The following NUP210 variants were observed in gnomAD, a reference collection of about 807,000 sequenced individuals.
NUP210 encodes the protein nuclear pore membrane glycoprotein 210.
A neutral mutation model predicts 196.0 loss-of-function variants in NUP210; 151 were observed. The ratio of observed to expected loss-of-function variants is 0.77; its 90% CI spans 0.67 to 0.88. The LOEUF is 0.88. NUP210 is among the 40% of genes least tolerant of loss of function. The pLI, the probability that NUP210 is intolerant of heterozygous loss-of-function variation, is 0.00. For missense variants in NUP210, 2,314 were observed against 2,493.7 expected (o/e 0.93, Z 1.53); for synonymous variants, 1,070 against 1,052.7 (o/e 1.02, Z -0.32).
At position 13,319,062 on chromosome 3, in the gene NUP210, G is replaced by C. The variant is rs767899212; in HGVS notation, c.5563+10C>G. 2 of 1,595,886 alleles carry C rather than the reference G, an allele frequency of 1.3e-6. No homozygotes were observed. The highest frequency in any genetic ancestry group is 1.7e-6 in the Non-Finnish European group (2 of 1,172,968). On this transcript the variant is annotated intron_variant, in intron 39 of 39. Transcript: ENST00000254508. ...CTCTGCCTGGTTGTGCCTGCAGGGG[G>C]GCTACTCACAGTGGGGGCTGTGTCC...
At chr3:13,362,251 A>T (rs1680682745) in intron 14 of NUP210, among the ~76,000 whole-genome samples, 1 of 152,190 alleles carries the variant, frequency 6.6e-6, no homozygotes, top group Non-Finnish European at 1.5e-5. Flanking sequence ...TGGAAGGGTC[A>T]TGCTAGCTCT....
intron 20 of NUP210, among the ~76,000 whole-genome samples, chr3:13,346,862 A>T (rs1035897893): frequency 3.3e-5 from 5 of 152,212 alleles, no homozygotes; most frequent in Non-Finnish European, 7.3e-5. Context: ...GCAAGCAGGG[A>T]AGGACCTAAG....
intron 21 of NUP210, 29 bp downstream of exon 21, chr3:13,343,146 G>A (rs765010934): frequency 6.2e-7 from 1 of 1,612,818 alleles, no homozygotes; most frequent in Non-Finnish European, 8.5e-7. Flanking sequence ...GGTCAGCCGA[G>A]GGTGCCCCGT....
intron 39 of NUP210, among the ~76,000 whole-genome samples, chr3:13,318,474 A>G (rs1188326183): frequency 6.6e-6 from 1 of 152,178 alleles, no homozygotes; most frequent in Admixed American, 6.5e-5. Flanking sequence ...AGCAGACACG[A>G]GCTCGAGGAC....
intron 18 of NUP210, among the ~76,000 whole-genome samples, chr3:13,352,796 C>A (rs963847620): frequency 6.6e-6 from 1 of 151,992 alleles, no homozygotes; most frequent in African/African-American, 2.4e-5. Context: ...GATGGAAGAG[C>A]AAGAGTGAGT....
rs1698746922 is a variant in NUP210 at position 13,371,974 on chromosome 3, A to C, written c.1646T>G (p.Val549Gly). 1 of 1,602,050 alleles carries C rather than the reference A, an allele frequency of 6.2e-7. No homozygotes were observed. The highest frequency in any genetic ancestry group is 1.3e-5 in the African/African-American group (1 of 74,774). ...CAGGGGCAGCTCCAGGGCCTGGCCC[A>C]CACGTGCCTCCACCTGGCACGGGGC... ...EFAPCQVEAR[V>G]GQALELPLRI... Residue 549 changes from valine to glycine, a missense_variant, in exon 13 of 40, where the codon GTG (valine) becomes GGG (glycine). Coordinates refer to ENST00000254508, the MANE Select transcript of NUP210 (RefSeq NM_024923.4).
At chr3:13,359,516 T>C (rs1576381108) in intron 15 of NUP210, among the ~76,000 whole-genome samples, 1 of 152,196 alleles carries the variant, frequency 6.6e-6, no homozygotes, top group African/African-American at 2.4e-5. Context: ...TGCGTTTTAT[T>C]GCCAACTGAC....
intron 8 of NUP210, 41 bp from the exon 9 acceptor site, chr3:13,377,603 G>A (rs1698958491): frequency 6.7e-6 from 10 of 1,501,296 alleles, no homozygotes; most frequent in Non-Finnish European, 9.2e-6. Flanking sequence ...AGGCCTCAGG[G>A]GCAGCAGGGT....
Position 13,327,198 on chromosome 3 carries a change from T to C in NUP210, c.4507+19A>G. 6.3e-7 allele frequency: 1 copy of C among 1,599,694 alleles called. No homozygotes were observed. The highest frequency in any genetic ancestry group is 8.5e-7 in the Non-Finnish European group (1 of 1,170,826). On this transcript the variant is annotated intron_variant, in intron 32 of 39. Coordinates refer to ENST00000254508, the MANE Select transcript of NUP210 (RefSeq NM_024923.4). ...GCGTCCGTGACTCCACAGGTTCCCT[T>C]GCTCAGGATCTATCTTACCTTCCAG...
chr3:13,392,283 A>G (rs116557359), intron 3 of NUP210, among the ~76,000 whole-genome samples: 167 of 152,320 alleles, frequency 1.1e-3, no homozygotes, highest in African/African-American at 4.0e-3. Context: ...GAAGCTCCAG[A>G]AAACTCTGCT....
chr3:13,411,172 T>C (rs554641121), intron 1 of NUP210, among the ~76,000 whole-genome samples: 81 of 151,492 alleles, frequency 5.3e-4, no homozygotes, highest in Non-Finnish European at 1.1e-3. Flanking sequence ...TTTGAGGTTA[T>C]AGTGAGCTAT....
In NUP210 at chr3:13,356,764, G is replaced by A. The variant is rs1364391507; in HGVS notation, c.2328+1458C>T. Among the ~76,000 whole-genome samples the A allele has an allele frequency of 2.6e-5, 4 of 152,224 alleles. No individual in the cohort carries two copies. In the East Asian group the frequency reaches 7.7e-4, roughly 29 times the overall value. The stretch of plus-strand genomic sequence containing the variant: ...GATCACACAGCTACTCCGTGTTTGA[G>A]GTCCATTATTTTCTGGCGACATCTA... On this transcript the variant is annotated intron_variant, in intron 16 of 39. Coordinates refer to ENST00000254508, the MANE Select transcript of NUP210 (RefSeq NM_024923.4).
chr3:13,330,745 A>G (rs778004931), intron 29 of NUP210, 111 bp from the exon 30 acceptor site: 345 of 1,077,180 alleles, frequency 3.2e-4, no homozygotes, highest in Non-Finnish European at 3.7e-4. Context: ...CTGGGAGGAA[A>G]AAAGGCCCAA....
At chr3:13,412,428 C>A (rs1033267562) in intron 1 of NUP210, among the ~76,000 whole-genome samples, 1 of 151,556 alleles carries the variant, frequency 6.6e-6, no homozygotes, top group African/African-American at 2.4e-5. Context: ...TAAAAGGAAA[C>A]CTTGGCCAGG....
chr3:13,419,066 TACTC>T (rs1301141416), intron 1 of NUP210, among the ~76,000 whole-genome samples: 3 of 149,708 alleles, frequency 2.0e-5, no homozygotes, highest in African/African-American at 4.9e-5. Flanking sequence ...CACAGACTAA[TACTC>T]AAACAGGCTT....
At chr3:13,414,140 A>C (rs1255069165) in intron 1 of NUP210, among the ~76,000 whole-genome samples, 1 of 152,240 alleles carries the variant, frequency 6.6e-6, no homozygotes, top group Non-Finnish European at 1.5e-5. Flanking sequence ...GCAACAGTGA[A>C]AAGAAAAGAG....
chr3:13,399,382 A>G, intron 2 of NUP210, among the ~76,000 whole-genome samples: 1 of 152,340 alleles, frequency 6.6e-6, no homozygotes, highest in South Asian at 2.1e-4. Flanking sequence ...TTTTACAACT[A>G]ATATAATAAA....
Position 13,321,715 on chromosome 3 carries a change from T to G in NUP210, c.5036A>C (p.Glu1679Ala). Residue 1679 changes from glutamate (E) to alanine (A), a missense_variant, in exon 36 of 40, where the codon GAG (glutamate) becomes GCG (alanine). Glu to Ala is a moderately radical substitution (Grantham distance 107). Coordinates refer to ENST00000254508, the MANE Select transcript of NUP210 (RefSeq NM_024923.4). ...GAAGGGCACCTCGGCCCCCACCTGC[T>G]CTGTGGAGAAGTGGCTGCTGGAGAG... is the stretch of plus-strand genomic sequence containing the variant. ...ASLSSSHFST[E>A]QVGAEVPFSP... The G allele has an allele frequency of 6.2e-7, 1 of 1,614,150 alleles. No individual in the cohort carries two copies. Among genetic ancestry groups the G allele is most frequent in the Non-Finnish European group, 8.5e-7 (1 of 1,180,038 alleles).
At position 13,321,640 on chromosome 3, in the gene NUP210, T is replaced by C; in HGVS notation, c.5111A>G (p.Tyr1704Cys). 6.2e-7 allele frequency: 1 copy of C among 1,614,076 alleles called. No individual in the cohort carries two copies. Among genetic ancestry groups the C allele is most frequent in the Non-Finnish European group, 8.5e-7 (1 of 1,180,020 alleles). ...DQAEILLSNH[Y>C]TSSEIRVFGA... ...AAAGACCCTGATCTCGGAACTGGTG[T>C]AGTGGTTGCTCAAAAGGATTTCAGC... Residue 1704 changes from tyrosine to cysteine, a missense_variant, in exon 36 of 40, where the codon TAC (tyrosine) becomes TGC (cysteine). Transcript: ENST00000254508.
Sources: gnomAD v4.1 joint callset for allele counts (sites outside exome capture counted in the v4.1 genomes callset) on GRCh38, gnomAD v4.1.1 for gene constraint, MANE v1.5 for transcripts, NCBI Gene and HGNC (gene_info 2026-07-23, HGNC 2026-07-21) for gene names.